The following NOD2 variants were observed in gnomAD, a reference collection of about 807,000 sequenced individuals.
The protein encoded by NOD2 is nucleotide binding oligomerization domain containing 2, also known as nucleotide-binding oligomerization domain-containing protein 2.
A neutral mutation model predicts 90.9 loss-of-function variants in NOD2; 86 were observed. The ratio of observed to expected loss-of-function variants is 0.95; its 90% CI spans 0.79 to 1.13. The LOEUF is 1.13. NOD2 is among the 50% of genes most tolerant of loss of function. The pLI is 0.00. For synonymous variants in NOD2, 581 were observed against 554.6 expected, an observed-to-expected ratio of 1.05 and a Z score of -0.67; for missense variants, 1,238 against 1,283.8, an observed-to-expected ratio of 0.96 and a Z score of 0.55.
intron 9 of NOD2, among the ~76,000 whole-genome samples, chr16:50,724,679 A>T (rs902195035): frequency 6.6e-6 from 1 of 152,174 alleles, no homozygotes; most frequent in Non-Finnish European, 1.5e-5. Flanking sequence ...TGTTATAAGG[A>T]TATGTTGTTA....
intron 2 of NOD2, among the ~76,000 whole-genome samples, chr16:50,702,303 G>A (rs117582370): frequency 2.3e-4 from 35 of 152,338 alleles, no homozygotes; most frequent in Non-Finnish European, 4.6e-4. Flanking sequence ...AGCAAACATT[G>A]AAGGTTGGGA....
intron 5 of NOD2, 80 bp from the exon 6 acceptor site, chr16:50,716,811 G>A (rs1964819893): frequency 1.3e-6 from 2 of 1,504,270 alleles, no homozygotes; most frequent in Non-Finnish European, 9.3e-7. Context: ...CTGCCCAGAG[G>A]GGAAGGGCAA....
Position 50,700,053 on chromosome 16 carries a change from G to A in NOD2, c.459+99G>A, listed in dbSNP as rs1963867900. On this transcript the variant is annotated intron_variant, in intron 2 of 11. Coordinates refer to ENST00000647318, the MANE Select transcript of NOD2 (RefSeq NM_001370466.1). ...ATGAAGTCAGCCTGTGGGGTAACTT[G>A]GTCCATGGGATTTCCCCTAAAAAGG... The A allele has an allele frequency of 4.2e-6, 5 of 1,190,550 alleles. No homozygotes were observed. The East Asian group carries it at 1.3e-4, about 30-fold the overall frequency. 73.7% of individuals were successfully genotyped at this position (1,190,550 alleles called of 1,614,324 possible). A position where few individuals can be genotyped will look rare whatever the true frequency, so the allele number is the denominator to read the frequency against.
chr16:50,721,527 T>G (rs1164876136), intron 7 of NOD2, among the ~76,000 whole-genome samples: 1 of 152,098 alleles, frequency 6.6e-6, no homozygotes, highest in Non-Finnish European at 1.5e-5. Context: ...GGTCTCACTC[T>G]GTCACCCAGG....
chr16:50,730,636 C>A (rs1965422449), intron 11 of NOD2, among the ~76,000 whole-genome samples: 1 of 152,194 alleles, frequency 6.6e-6, no homozygotes, highest in South Asian at 2.1e-4. Flanking sequence ...AAATCTATAT[C>A]TCAGGGTTTT....
intron 2 of NOD2, among the ~76,000 whole-genome samples, chr16:50,702,525 A>C (rs1369167117): frequency 6.6e-6 from 1 of 152,216 alleles, no homozygotes; most frequent in African/African-American, 2.4e-5. Flanking sequence ...TATCCAACCA[A>C]CATGTCTTCC....
At chr16:50,697,388 C>T in intron 1 of NOD2, 2 of 1,381,178 alleles carry the variant, frequency 1.4e-6, no homozygotes, top group Non-Finnish European at 2.0e-6. Context: ...GCGACATGCT[C>T]CCAGGCCTGG....
At chr16:50,704,221 T>C (rs1429322707) in intron 2 of NOD2, among the ~76,000 whole-genome samples, 3 of 152,222 alleles carry the variant, frequency 2.0e-5, no homozygotes, top group African/African-American at 7.2e-5. Context: ...CATCTACTTA[T>C]AGTATACAGC....
intron 1 of NOD2, among the ~76,000 whole-genome samples, chr16:50,693,951 TGA>T (rs991010049): frequency 6.6e-6 from 1 of 152,064 alleles, no homozygotes; most frequent in African/African-American, 2.4e-5. Context: ...TGGGTATAAG[TGA>T]GAGAGTCTGC....
At chr16:50,723,430 C>A in intron 9 of NOD2, 46 bp downstream of exon 9, 1 of 1,534,400 alleles carries the variant, frequency 6.5e-7, no homozygotes, top group South Asian at 1.1e-5. Context: ...ATCACAATCT[C>A]TGTTGATCCC....
intron 11 of NOD2, 105 bp from the exon 12 acceptor site, chr16:50,731,642 A>T (rs1965457439): frequency 2.5e-6 from 2 of 810,492 alleles, no homozygotes; most frequent in Non-Finnish European, 4.3e-6. Context: ...TGGGCCAGAG[A>T]GTCAGCCCAT....
rs1965470742 is a variant in NOD2 at position 50,731,888 on chromosome 16, G to A, written c.*69G>A. ...TGTGAGTTTGGGCCCCAGAGGCTGGGTGACATGTGTTGGCAGCCTCTTCAA... is the reference window on the plus strand; with the variant it reads ...TGTGAGTTTGGGCCCCAGAGGCTGGATGACATGTGTTGGCAGCCTCTTCAA... On this transcript the variant is annotated 3_prime_UTR_variant, in exon 12 of 12. Coordinates refer to ENST00000647318, the MANE Select transcript of NOD2 (RefSeq NM_001370466.1). 1.6e-5 allele frequency: 19 copies of A among 1,187,840 alleles called. No homozygotes were observed. The highest frequency in any genetic ancestry group is 1.3e-6 in the Non-Finnish European group (1 of 795,208). The allele number at this position is 1,187,840 out of a possible 1,614,324, so 73.6% of individuals were successfully genotyped here. A position where few individuals can be genotyped will look rare whatever the true frequency, so the allele number is the denominator to read the frequency against.
Position 50,723,356 on chromosome 16 carries a change from G to T in NOD2, c.2773G>T (p.Ala925Ser). ...TGCCCAAGCCTTGGCACTGATGCTGGCAAAGAACGTCATGCTAGAAGAACT... is the reference window on the plus strand; with the variant it reads ...TGCCCAAGCCTTGGCACTGATGCTGTCAAAGAACGTCATGCTAGAAGAACT... ...VGAQALALMLAKNVMLEELCL... is the reference protein window; with the variant it reads ...VGAQALALMLSKNVMLEELCL... The change falls in exon 9 of 12, where the codon GCA becomes TCA. Residue 925 changes from alanine to serine, a missense_variant. Around this residue, in one of 3 missense-constraint regions of NOD2, gnomAD observed 667 missense variants for 688.7 expected, o/e 0.97. Transcript: ENST00000647318. 1 of 1,613,868 alleles carries T rather than the reference G, an allele frequency of 6.2e-7. No homozygotes were observed.
intron 2 of NOD2, among the ~76,000 whole-genome samples, chr16:50,707,015 A>G (rs1401545079): frequency 1.3e-5 from 2 of 152,212 alleles, no homozygotes; most frequent in Non-Finnish European, 2.9e-5. Flanking sequence ...GCTATTTTCT[A>G]CATGGATTAC....
chr16:50,698,430 C>G (rs773468123), intron 1 of NOD2, among the ~76,000 whole-genome samples: 1 of 152,202 alleles, frequency 6.6e-6, no homozygotes, highest in Non-Finnish European at 1.5e-5. Context: ...GGCACCAGAA[C>G]GCTCGGAAAC....
chr16:50,712,469 C>T (rs1964585163), intron 4 of NOD2, 96 bp downstream of exon 4: 7 of 1,520,356 alleles, frequency 4.6e-6, no homozygotes, highest in Non-Finnish European at 5.4e-6. Context: ...CTGGGCCCAG[C>T]TTCGCCTCTG....
intron 6 of NOD2, 85 bp downstream of exon 6, chr16:50,717,059 C>T (rs1964834713): frequency 8.8e-7 from 1 of 1,140,420 alleles, no homozygotes; most frequent in Non-Finnish European, 1.3e-6. Flanking sequence ...CCTGGCACTG[C>T]CCACACTGGC....
Position 50,711,539 on chromosome 16 carries a change from G to T in NOD2, c.1547G>T (p.Arg516Leu), listed in dbSNP as rs772534917. 3.1e-6 allele frequency: 5 copies of T among 1,612,506 alleles called. No individual in the cohort carries two copies. The highest frequency in any genetic ancestry group is 1.7e-5 in the Admixed American group (1 of 60,002). Residue 516 changes from arginine (R) to leucine (L), a missense_variant, in exon 4 of 12, where the codon CGC (arginine) becomes CTC (leucine). By Grantham distance (102) the Arg-to-Leu change is moderately radical. Coordinates refer to ENST00000647318, the MANE Select transcript of NOD2 (RefSeq NM_001370466.1). ...CTGGGACCCAGTCTTCTTCGGGGCC[G>T]CCTCCCCACCCTCCTGCACCTGGGC... ...QGLGPSLLRG[R>L]LPTLLHLGRL...
intron 1 of NOD2, among the ~76,000 whole-genome samples, chr16:50,696,014 T>C (rs1963629610): frequency 1.4e-5 from 2 of 148,058 alleles, no homozygotes; most frequent in East Asian, 4.0e-4. Flanking sequence ...TAGAGTGCAT[T>C]GTGCACTGGT....
Sources: allele counts gnomAD v4.1 joint callset (sites outside exome capture counted in the v4.1 genomes callset), GRCh38; gene constraint gnomAD v4.1.1; regional missense constraint gnomAD v4.1.1; transcripts MANE v1.5; gene names NCBI Gene and HGNC (gene_info 2026-07-23, HGNC 2026-07-21).